The following CIMIP2C variants were observed in gnomAD, a reference collection of about 807,000 sequenced individuals.
The protein encoded by CIMIP2C is UPF0573 protein C2orf70.
chr2:26,574,939 G>T, the CIMIP2C span, among the ~76,000 whole-genome samples: 979 of 152,362 alleles, frequency 6.4e-3, 3 homozygotes, highest in Non-Finnish European at 8.2e-3. Context: ...AGGCATGCAT[G>T]GGGGCACAGG....
chr2:26,567,110 TG>T, the CIMIP2C span, among the ~76,000 whole-genome samples: 1 of 152,254 alleles, frequency 6.6e-6, no homozygotes, highest in Admixed American at 6.5e-5. Flanking sequence ...TTGATTCCTT[TG>T]AAGCCAGTAG....
At chr2:26,573,551 G>A in the CIMIP2C span, among the ~76,000 whole-genome samples, 1 of 152,244 alleles carries the variant, frequency 6.6e-6, no homozygotes, top group South Asian at 2.1e-4. Context: ...CCGGGAGGAA[G>A]ACTCTGTCTC....
chr2:26,570,443 G>A, the CIMIP2C span, among the ~76,000 whole-genome samples: 1 of 152,228 alleles, frequency 6.6e-6, no homozygotes, highest in Non-Finnish European at 1.5e-5. Flanking sequence ...CATGTGCCAG[G>A]TGCCAAGGAT....
chr2:26,563,702 C>A, the CIMIP2C span, among the ~76,000 whole-genome samples: 1 of 152,212 alleles, frequency 6.6e-6, no homozygotes, highest in Non-Finnish European at 1.5e-5. Flanking sequence ...CTCTCCCCTG[C>A]AATCGGAACA....
the CIMIP2C span, among the ~76,000 whole-genome samples, chr2:26,563,654 G>A: frequency 6.6e-6 from 1 of 152,250 alleles, no homozygotes; most frequent in African/African-American, 2.4e-5. Context: ...TGAGGATTCT[G>A]CAGGCAGAGT....
chr2:26,573,966 G>A, the CIMIP2C span, among the ~76,000 whole-genome samples: 1 of 152,244 alleles, frequency 6.6e-6, no homozygotes, highest in Non-Finnish European at 1.5e-5. Flanking sequence ...CCTGTCAGCA[G>A]TCACTCGGCT....
At chr2:26,570,838 G>C in the CIMIP2C span, among the ~76,000 whole-genome samples, 1 of 152,130 alleles carries the variant, frequency 6.6e-6, no homozygotes, top group Admixed American at 6.5e-5. Flanking sequence ...ATTGGAGATT[G>C]TCCAGGCAAG....
chr2:26,563,441 T>A, the CIMIP2C span, among the ~76,000 whole-genome samples: 1 of 152,190 alleles, frequency 6.6e-6, no homozygotes, highest in Non-Finnish European at 1.5e-5. Flanking sequence ...TCCTACAGTG[T>A]CTGATGTTTC....
At chr2:26,569,545 C>T in the CIMIP2C span, among the ~76,000 whole-genome samples, 1 of 152,112 alleles carries the variant, frequency 6.6e-6, no homozygotes, top group Non-Finnish European at 1.5e-5. Flanking sequence ...GCTGGTTAAT[C>T]AGTTAATAAG....
chr2:26,579,345 G>T, the CIMIP2C span: 3 of 1,614,112 alleles, frequency 1.9e-6, no homozygotes, highest in Non-Finnish European at 2.5e-6. Flanking sequence ...TAGCCCCCGA[G>T]AACCTGAAGA....
the CIMIP2C span, among the ~76,000 whole-genome samples, chr2:26,566,369 T>C: frequency 1.3e-5 from 2 of 152,258 alleles, no homozygotes; most frequent in South Asian, 4.2e-4. Flanking sequence ...GTCAGGAGAG[T>C]GGTCCCACAA....
At chr2:26,563,821 A>C in the CIMIP2C span, among the ~76,000 whole-genome samples, 1 of 152,218 alleles carries the variant, frequency 6.6e-6, no homozygotes, top group South Asian at 2.1e-4. Flanking sequence ...TGGAGGCTGC[A>C]TGAGAAAGTA....
chr2:26,563,081 A>G, the CIMIP2C span: 1 of 232,446 alleles, frequency 4.3e-6, no homozygotes, highest in Non-Finnish European at 8.4e-6. Context: ...CGTCCGGCGC[A>G]CAGGGCCAGC....
the CIMIP2C span, among the ~76,000 whole-genome samples, chr2:26,565,263 G>A: frequency 6.6e-6 from 1 of 152,036 alleles, no homozygotes; most frequent in African/African-American, 2.4e-5. Context: ...GCTAATTTTT[G>A]TATTTTTAGT....
At chr2:26,563,029 G>A in the CIMIP2C span, 1 of 311,850 alleles carries the variant, frequency 3.2e-6, no homozygotes, top group Non-Finnish European at 5.9e-6. Flanking sequence ...CAGGCGGGCA[G>A]CCTCCAGCGC....
chr2:26,571,453 G>A, the CIMIP2C span, among the ~76,000 whole-genome samples: 39 of 152,316 alleles, frequency 2.6e-4, no homozygotes, highest in Middle Eastern at 6.8e-3. Flanking sequence ...TCAGCATGGC[G>A]CCTGACACAT....
At chr2:26,566,847 G>C in the CIMIP2C span, among the ~76,000 whole-genome samples, 1 of 152,146 alleles carries the variant, frequency 6.6e-6, no homozygotes, top group Non-Finnish European at 1.5e-5. Flanking sequence ...AGCCCCCTGA[G>C]TAGCTGGGAC....
the CIMIP2C span, among the ~76,000 whole-genome samples, chr2:26,570,740 T>G: frequency 0.96 from 146,865 of 152,332 alleles, 71,017 homozygotes; most frequent in East Asian, 1. Context: ...GCACCTACAG[T>G]GCAGTGATGG....
the CIMIP2C span, among the ~76,000 whole-genome samples, chr2:26,566,875 A>G: frequency 1.3e-5 from 2 of 152,178 alleles, no homozygotes; most frequent in African/African-American, 2.4e-5. Flanking sequence ...GTGCACCACC[A>G]TACCTGGCTA....
Sources: allele counts gnomAD v4.1 joint callset (sites outside exome capture counted in the v4.1 genomes callset), GRCh38; gene constraint gnomAD v4.1.1; transcripts MANE v1.5; gene names NCBI Gene and HGNC (gene_info 2026-07-23, HGNC 2026-07-21).